ADGRV1: variants seen among roughly 807,000 people sequenced by gnomAD.
ADGRV1 encodes G-protein coupled receptor 98.
A neutral mutation model predicts 596.2 loss-of-function variants in ADGRV1; 359 were observed. That is an observed-to-expected ratio of 0.60 (90% CI 0.55 to 0.66). The LOEUF is 0.66. ADGRV1 is among the 30% of genes least tolerant of loss of function. The pLI is 0.00. For missense variants in ADGRV1, 7,274 were observed against 7,575.6 expected (o/e 0.96, Z 1.48); for synonymous variants, 2,681 against 2,679.2 (o/e 1.00, Z -0.02).
rs61741306 is a variant in ADGRV1, at chr5:90,641,300, T to G, written c.2241-1336T>G. Among the ~76,000 whole-genome samples the G allele has an allele frequency of 8.7e-3, 1,325 of 152,342 alleles. 21 individuals carry two copies. Among genetic ancestry groups the G allele is most frequent in the African/African-American group, 0.031 (1,278 of 41,570 alleles). ...TATCTGAACGGTTCCATTGGTTTTC[T>G]GAGAGCATCTAAGCAATTTATTGCT... On this transcript the variant is annotated intron_variant, in intron 11 of 89. Coordinates refer to ENST00000405460, the MANE Select transcript of ADGRV1 (RefSeq NM_032119.4).
intron 64 of ADGRV1, 173 bp from the exon 65 acceptor site, chr5:90,781,256 AC>A (rs1758805758): frequency 1.5e-6 from 1 of 648,596 alleles, no homozygotes; most frequent in South Asian, 1.8e-5. Flanking sequence ...CTGTTTCAAA[AC>A]ATCATTTCAG....
intron 83 of ADGRV1, among the ~76,000 whole-genome samples, chr5:90,956,513 A>G (rs552017871): frequency 1.5e-3 from 223 of 152,336 alleles, no homozygotes; most frequent in African/African-American, 5.2e-3. Context: ...TTTCCACAGA[A>G]TTCGTAAACT....
At chr5:90,591,912 T>C (rs779539224) in intron 1 of ADGRV1, among the ~76,000 whole-genome samples, 2 of 152,196 alleles carry the variant, frequency 1.3e-5, no homozygotes, top group Non-Finnish European at 2.9e-5. Flanking sequence ...AATTTCACAT[T>C]TTCAGATGAG....
chr5:90,621,562 C>A (rs1467957750), intron 4 of ADGRV1, among the ~76,000 whole-genome samples: 1 of 152,184 alleles, frequency 6.6e-6, no homozygotes, highest in Non-Finnish European at 1.5e-5. Flanking sequence ...GCTACACTTA[C>A]TCTCTGTGTA....
intron 21 of ADGRV1, among the ~76,000 whole-genome samples, chr5:90,661,644 A>C (rs1770311414): frequency 6.6e-6 from 1 of 152,164 alleles, no homozygotes; most frequent in South Asian, 2.1e-4. Flanking sequence ...GTTTATTATT[A>C]CTGTTCTGAT....
At chr5:91,141,362 C>G (rs1372545152) in intron 87 of ADGRV1, among the ~76,000 whole-genome samples, 1 of 152,088 alleles carries the variant, frequency 6.6e-6, no homozygotes, top group Non-Finnish European at 1.5e-5. Context: ...TTACTTAAAC[C>G]ATGCAAATAT....
At chr5:90,684,291 T>A in intron 28 of ADGRV1, 96 bp downstream of exon 28, 1 of 1,149,844 alleles carries the variant, frequency 8.7e-7, no homozygotes, top group Non-Finnish European at 1.2e-6. Flanking sequence ...CTATAAAAAG[T>A]AGTAAACTCT....
At chr5:90,720,372 C>T (rs981928149) in intron 44 of ADGRV1, 149 bp downstream of exon 44, 3 of 485,820 alleles carry the variant, frequency 6.2e-6, no homozygotes, top group Non-Finnish European at 1.0e-5. Context: ...TCTAGAGAGA[C>T]CAGTTACTCT....
Position 90,658,133 on chromosome 5 carries a change from AAGG to A in ADGRV1, c.4610_4612del (p.Gly1537del). Reference sequence around the variant, plus strand: ...TCTGCAAGAGATGACAATGACGAGGAAGGAGAAGAATTATTCATTCTTAAACTA... The same window carrying A: ...TCTGCAAGAGATGACAATGACGAGGAAGAAGAATTATTCATTCTTAAACTA... On this transcript the variant is annotated inframe_deletion, in exon 21 of 90. Transcript: ENST00000405460. 6.2e-7 allele frequency: 1 copy of A among 1,613,750 alleles called. No homozygotes were observed. The highest frequency in any genetic ancestry group is 8.5e-7 in the Non-Finnish European group (1 of 1,179,706).
chr5:90,838,230 A>C lies in ADGRV1; in HGVS notation c.16612-2348A>C, dbSNP rs755762854. Among the ~76,000 whole-genome samples the C allele has an allele frequency of 5.4e-4, 82 of 152,026 alleles. 1 individual carries two copies. The highest frequency in any genetic ancestry group is 1.0e-3 in the Non-Finnish European group (69 of 68,012). On this transcript the variant is annotated intron_variant, in intron 77 of 89. Transcript: ENST00000405460. ...TTATCGTTACACTGCAGATGCTCTT[A>C]AAAAGCATTCATTGATTTTTTTTTT...
intron 1 of ADGRV1, among the ~76,000 whole-genome samples, chr5:90,601,018 C>A (rs1283516731): frequency 6.6e-6 from 1 of 152,094 alleles, no homozygotes. Flanking sequence ...GGGTGGATCA[C>A]CCGAGGTCGG....
chr5:90,644,178 G>A (rs1463180953), intron 14 of ADGRV1, among the ~76,000 whole-genome samples, 195 bp downstream of exon 14: 1 of 152,120 alleles, frequency 6.6e-6, no homozygotes. Context: ...TGATGATACT[G>A]ATGACTTCAG....
intron 48 of ADGRV1, among the ~76,000 whole-genome samples, chr5:90,727,938 A>T (rs1460166332): frequency 1.3e-5 from 2 of 152,174 alleles, no homozygotes; most frequent in East Asian, 3.9e-4. Context: ...GACCATCCTA[A>T]TTGTCATCTT....
chr5:90,672,981 G>C, intron 22 of ADGRV1: 1 of 384,028 alleles, frequency 2.6e-6, no homozygotes, highest in Admixed American at 4.3e-5. Flanking sequence ...ATTTCCTATG[G>C]ATCTGTCTCC....
At chr5:90,962,352 A>G (rs1177184355) in intron 83 of ADGRV1, among the ~76,000 whole-genome samples, 1 of 152,238 alleles carries the variant, frequency 6.6e-6, no homozygotes, top group East Asian at 1.9e-4. Context: ...CAATGTATGA[A>G]CAACTGAGAA....
intron 85 of ADGRV1, among the ~76,000 whole-genome samples, chr5:91,002,448 C>T (rs1011282265): frequency 2.0e-5 from 3 of 152,204 alleles, no homozygotes; most frequent in South Asian, 2.1e-4. Context: ...GCTTCCAATG[C>T]GAATGTCAGG....
At chr5:91,078,293 T>C (rs1053264933) in intron 86 of ADGRV1, among the ~76,000 whole-genome samples, 1 of 152,180 alleles carries the variant, frequency 6.6e-6, no homozygotes, top group African/African-American at 2.4e-5. Context: ...TTTTTACTCT[T>C]GTCGTTTTTA....
chr5:90,649,842 G>GA (rs1470249091), intron 17 of ADGRV1, among the ~76,000 whole-genome samples: 3 of 152,154 alleles, frequency 2.0e-5, no homozygotes, highest in Admixed American at 6.5e-5. Context: ...ATGTCATTGG[G>GA]AAAATATATT....
intron 83 of ADGRV1, among the ~76,000 whole-genome samples, chr5:90,883,697 C>T (rs1443325654): frequency 6.6e-6 from 1 of 152,148 alleles, no homozygotes; most frequent in African/African-American, 2.4e-5. Context: ...CATTTCCTAA[C>T]TCCCCAAGGC....
Sources: allele counts gnomAD v4.1 joint callset (sites outside exome capture counted in the v4.1 genomes callset), GRCh38; gene constraint gnomAD v4.1.1; transcripts MANE v1.5; gene names NCBI Gene and HGNC (gene_info 2026-07-23, HGNC 2026-07-21).